BABAM1: variants seen among roughly 807,000 people sequenced by gnomAD.
BABAM1 encodes the protein BRISC and BRCA1 A complex member 1.
In BABAM1, 14 loss-of-function variants were observed where a neutral mutation model predicts 34.4. The observed-to-expected ratio is 0.41, with a 90% confidence interval of 0.27 to 0.64. The LOEUF (loss-of-function observed/expected upper bound fraction) is 0.64, where lower values mean the gene tolerates loss of function less well. Among genes scored for constraint, BABAM1 ranks in the 30% least tolerant of loss-of-function variants. The probability of loss-of-function intolerance (pLI) is 0.34; values close to 1 mark genes in which losing one functional copy is unlikely to be tolerated. For synonymous variants in BABAM1, 169 were observed against 165.8 expected, an observed-to-expected ratio of 1.02 and a Z score of -0.15; for missense variants, 393 against 434.0, an observed-to-expected ratio of 0.91 and a Z score of 0.84.
At chr19:17,267,913 C>CCTA (rs2073787693) in intron 1 of BABAM1, among the ~76,000 whole-genome samples, 1 of 151,966 alleles carries the variant, frequency 6.6e-6, no homozygotes, top group African/African-American at 2.4e-5. Context: ...AACAGAAAAC[C>CCTA]CTACTCAATC....
rs540433739 is a variant in BABAM1, at chr19:17,279,135, G to C, written c.*87G>C. 7.1e-7 allele frequency: 1 copy of C among 1,399,516 alleles called. No homozygotes were observed. The highest frequency in any genetic ancestry group is 9.7e-7 in the Non-Finnish European group (1 of 1,030,406). The allele number at this position is 1,399,516 out of a possible 1,614,324, so 86.7% of individuals were successfully genotyped here. On this transcript the variant is annotated 3_prime_UTR_variant, in exon 9 of 9. Transcript: ENST00000598188. ...TCAAACTGGGTTCCTTGGGACCTCCGGGGTGGGGGGGTTCCAGGAGGCACG... is the reference window on the plus strand; with the variant it reads ...TCAAACTGGGTTCCTTGGGACCTCCCGGGTGGGGGGGTTCCAGGAGGCACG...
Position 17,276,585 on chromosome 19 carries a change from A to G in BABAM1, c.660A>G (p.Pro220=), listed in dbSNP as rs1268848924. 2 of 1,606,454 alleles carry G rather than the reference A, an allele frequency of 1.2e-6. No homozygotes were observed. The highest frequency in any genetic ancestry group is 1.1e-5 in the South Asian group (1 of 89,286). ...GCACCATCCTTGTCTACAGCCGTCC[A>G]CCTTGCCAGCCCCAGTTCTCCTTGA... ...VVRTILVYSR[P]PCQPQFSLTE... Residue 220 remains proline (P), a synonymous_variant, in exon 7 of 9, where the codon CCA becomes CCG. Transcript: ENST00000598188.
chr19:17,271,760 TTCAGGCTTGG>T (rs755325043), intron 3 of BABAM1, 105 bp downstream of exon 3: 17 of 1,328,436 alleles, frequency 1.3e-5, no homozygotes, highest in Non-Finnish European at 1.8e-5. Context: ...TTGGTCTGGC[TTCAGGCTTGG>T]CAGTATCAGA....
chr19:17,269,890 A>AT (rs1053220698), intron 2 of BABAM1, among the ~76,000 whole-genome samples: 2 of 146,950 alleles, frequency 1.4e-5, no homozygotes, highest in Non-Finnish European at 3.0e-5. Flanking sequence ...TGCCCGGCTA[A>AT]TTTTTTGTAT....
intron 3 of BABAM1, among the ~76,000 whole-genome samples, chr19:17,272,300 G>T (rs1339669516): frequency 6.6e-6 from 1 of 152,146 alleles, no homozygotes; most frequent in East Asian, 1.9e-4. Flanking sequence ...AGCTACTTGG[G>T]AGGGCAAGCT....
intron 8 of BABAM1, among the ~76,000 whole-genome samples, chr19:17,278,089 G>A (rs1409948717): frequency 2.6e-5 from 4 of 151,554 alleles, no homozygotes; most frequent in Non-Finnish European, 5.9e-5. Flanking sequence ...CAGGAGAATC[G>A]CTTGAACCCG....
chr19:17,279,166 T>G lies in BABAM1; in HGVS notation c.*118T>G. On this transcript the variant is annotated 3_prime_UTR_variant, in exon 9 of 9. Coordinates refer to ENST00000598188, the MANE Select transcript of BABAM1 (RefSeq NM_014173.4). ...GGGGGGTTCCAGGAGGCACGTAGGG[T>G]ACCTTGCAGGGTCCTAGGAGGGAAA... is the stretch of plus-strand genomic sequence containing the variant. 16 of 1,076,608 alleles carry G rather than the reference T, an allele frequency of 1.5e-5. No individual in the cohort carries two copies. Among genetic ancestry groups the G allele is most frequent in the Non-Finnish European group, 2.0e-5 (15 of 751,988 alleles). The allele number at this position is 1,076,608 out of a possible 1,614,324, so 66.7% of individuals were successfully genotyped here.
At chr19:17,273,564 G>GTTTTGTTTTTTT (rs1555716590) in intron 3 of BABAM1, among the ~76,000 whole-genome samples, 20 of 45,936 alleles carry the variant, frequency 4.4e-4, no homozygotes, top group African/African-American at 1.2e-3. Flanking sequence ...TGTTTGTTTT[G>GTTTTGTTTTTTT]TTTTTTTTTT....
chr19:17,278,183 A>G (rs148968351), intron 8 of BABAM1, among the ~76,000 whole-genome samples: 255 of 152,226 alleles, frequency 1.7e-3, no homozygotes, highest in African/African-American at 5.9e-3. Flanking sequence ...CAAAAAAAAA[A>G]TTAAAAAAAT....
At chr19:17,269,511 C>T (rs555355710) in intron 2 of BABAM1, among the ~76,000 whole-genome samples, 51 of 151,600 alleles carry the variant, frequency 3.4e-4, no homozygotes, top group Admixed American at 9.9e-4. Flanking sequence ...CCACAACGCC[C>T]GGCTAATTTT....
In BABAM1 at chr19:17,269,756, G is replaced by T. The variant is rs144276424; in HGVS notation, c.285+665G>T. Among the ~76,000 whole-genome samples, 532 of 148,990 alleles carry T rather than the reference G, an allele frequency of 3.6e-3. 2 individuals are homozygous for T. Among genetic ancestry groups the T allele is most frequent in the South Asian group, 4.2e-3 (20 of 4,720 alleles). ...TTTTTTTTTGTTTTTTTGAGATGGA[G>T]TCTTGCTCTGTCACCCAGGCTGGAG... On this transcript the variant is annotated intron_variant, in intron 2 of 8. Coordinates refer to ENST00000598188, the MANE Select transcript of BABAM1 (RefSeq NM_014173.4).
At chr19:17,272,404 C>CT (rs1033917223) in intron 3 of BABAM1, among the ~76,000 whole-genome samples, 5 of 150,348 alleles carry the variant, frequency 3.3e-5, no homozygotes, top group Non-Finnish European at 5.9e-5. Flanking sequence ...GACCCTGTCC[C>CT]TTTTTTTTGT....
intron 1 of BABAM1, among the ~76,000 whole-genome samples, chr19:17,268,180 C>T (rs1186813802): frequency 6.6e-6 from 1 of 151,882 alleles, no homozygotes; most frequent in Non-Finnish European, 1.5e-5. Context: ...TGTGCCCATC[C>T]CTGAGCCATT....
chr19:17,268,756 G>C, intron 1 of BABAM1, 38 bp from the exon 2 acceptor site: 2 of 1,525,736 alleles, frequency 1.3e-6, no homozygotes, highest in Non-Finnish European at 1.8e-6. Flanking sequence ...AAACTCCAAG[G>C]GGAGGATTCT....
intron 3 of BABAM1, 146 bp downstream of exon 3, chr19:17,271,801 A>G (rs2073844300): frequency 3.4e-6 from 3 of 884,176 alleles, no homozygotes; most frequent in Non-Finnish European, 5.3e-6. Context: ...AGCCAGGTGC[A>G]GTGGCTCATG....
chr19:17,277,723 C>T (rs1301260810), intron 8 of BABAM1, among the ~76,000 whole-genome samples: 1 of 152,132 alleles, frequency 6.6e-6, no homozygotes, highest in Non-Finnish European at 1.5e-5. Flanking sequence ...AATCAAAAGT[C>T]CCCCCTCTAG....
At chr19:17,270,883 G>C (rs1432270027) in intron 2 of BABAM1, among the ~76,000 whole-genome samples, 1 of 151,680 alleles carries the variant, frequency 6.6e-6, no homozygotes, top group Non-Finnish European at 1.5e-5. Flanking sequence ...GTAGAGACCA[G>C]GTTTCACCCT....
At chr19:17,274,397 A>G (rs900393385) in intron 5 of BABAM1, 7 of 606,462 alleles carry the variant, frequency 1.2e-5, no homozygotes, top group Non-Finnish European at 2.0e-5. Context: ...CTGTAACAAT[A>G]CAGAAGCAAA....
chr19:17,274,893 C>T (rs2073890501), intron 5 of BABAM1, among the ~76,000 whole-genome samples: 1 of 152,146 alleles, frequency 6.6e-6, no homozygotes, highest in Admixed American at 6.5e-5. Flanking sequence ...AGAGTGGCCC[C>T]AGCCATGCAG....
Sources: gnomAD v4.1 joint callset for allele counts (sites outside exome capture counted in the v4.1 genomes callset) on GRCh38, gnomAD v4.1.1 for gene constraint, MANE v1.5 for transcripts, NCBI Gene and HGNC (gene_info 2026-07-23, HGNC 2026-07-21) for gene names.